Variants in PAX8 observed in about 807,000 individuals in gnomAD.
The protein encoded by PAX8 is paired box 8.
In PAX8, 15 loss-of-function variants were observed where a neutral mutation model predicts 52.4. The ratio of observed to expected loss-of-function variants is 0.29; its 90% CI spans 0.19 to 0.44. The LOEUF (loss-of-function observed/expected upper bound fraction) is 0.44. Ranked by LOEUF, PAX8 falls within the 20% of genes least tolerant of loss-of-function variation. The probability of loss-of-function intolerance (pLI) is 1.00; values close to 1 mark genes in which losing one functional copy is unlikely to be tolerated. For synonymous variants in PAX8, 284 were observed against 249.7 expected, an observed-to-expected ratio of 1.14 and a Z score of -1.29; for missense variants, 554 against 602.5, an observed-to-expected ratio of 0.92 and a Z score of 0.84.
chr2:113,217,737 C>T lies in PAX8; in HGVS notation c.*796G>A. Reference sequence around the variant, plus strand: ...TTCTGCCCTGGGTGAAGCCGCACACCACACCTCACCTCCCAGGGGCCCAGG... The same window carrying T: ...TTCTGCCCTGGGTGAAGCCGCACACTACACCTCACCTCCCAGGGGCCCAGG... On this transcript the variant is annotated 3_prime_UTR_variant, in exon 12 of 12. Transcript: ENST00000429538. The T allele has an allele frequency of 4.3e-6, 1 of 232,704 alleles. No individual in the cohort carries two copies. Among genetic ancestry groups the T allele is most frequent in the Non-Finnish European group, 8.5e-6 (1 of 117,712 alleles). The allele number at this position is 232,704 out of a possible 1,614,324, so 14.4% of individuals were successfully genotyped here. A position where few individuals can be genotyped will look rare whatever the true frequency, so the allele number is the denominator to read the frequency against.
rs1387635818 is a variant in PAX8, at chr2:113,246,916, T to C, written c.29A>G (p.His10Arg). ...CCCTCCCAGCTGGTTCAGCCCTCCATGGCCTAAGGAGACAATATTCCCAGG... is the reference window on the plus strand; with the variant it reads ...CCCTCCCAGCTGGTTCAGCCCTCCACGGCCTAAGGAGACAATATTCCCAGG... Reference protein sequence around the residue: MPHNSIRSGHGGLNQLGGAF... With the variant: MPHNSIRSGRGGLNQLGGAF... The change falls in exon 3 of 12, where the codon CAT (histidine) becomes CGT (arginine). Residue 10 changes from histidine (H) to arginine (R), a missense_variant. Physicochemically the swap from His to Arg is conservative, Grantham distance 29. Coordinates refer to ENST00000429538, the MANE Select transcript of PAX8 (RefSeq NM_003466.4). 1 of 1,613,158 alleles carries C rather than the reference T, an allele frequency of 6.2e-7. No individual in the cohort carries two copies. Among genetic ancestry groups the C allele is most frequent in the Non-Finnish European group, 8.5e-7 (1 of 1,179,530 alleles).
At chr2:113,247,787 G>A (rs1286598464) in intron 2 of PAX8, among the ~76,000 whole-genome samples, 1 of 152,234 alleles carries the variant, frequency 6.6e-6, no homozygotes, top group Non-Finnish European at 1.5e-5. Flanking sequence ...ACAGGTCCCT[G>A]ATGATGCCAA....
At chr2:113,259,779 A>G (rs1435965113) in intron 2 of PAX8, among the ~76,000 whole-genome samples, 3 of 152,244 alleles carry the variant, frequency 2.0e-5, no homozygotes. Flanking sequence ...CAGGTTTACT[A>G]GAGGTCATTC....
chr2:113,236,700 G>A lies in PAX8; in HGVS notation c.799C>T (p.Leu267Phe), dbSNP rs1573442458. Residue 267 changes from leucine to phenylalanine, a missense_variant, in exon 8 of 12, where the codon CTC becomes TTC. By Grantham distance (22) the Leu-to-Phe change is conservative (BLOSUM62 0). This residue lies in a region of PAX8 where 445 missense variants were observed against 409.9 expected (regional missense o/e 1.09). Transcript: ENST00000429538. ...TTCCCGTCGTCCAGGGTGCTGTTGA[G>A]CAAGGGCAGCGGGTAGAGGCCCTGG... ...GEQGLYPLPL[L>F]NSTLDDGKAT... The A allele has an allele frequency of 6.3e-7, 1 of 1,577,840 alleles. No individual in the cohort carries two copies. Among genetic ancestry groups the A allele is most frequent in the Non-Finnish European group, 8.6e-7 (1 of 1,162,340 alleles).
At chr2:113,278,346 A>T (rs1867763) in intron 2 of PAX8, 24 bp downstream of exon 2, 2 of 1,557,474 alleles carry the variant, frequency 1.3e-6, no homozygotes, top group South Asian at 2.2e-5. Flanking sequence ...GGGCTCGGGG[A>T]TCCTGACCAC....
intron 1 of PAX8, 150 bp from the exon 2 acceptor site, chr2:113,278,619 C>T: frequency 1.3e-6 from 1 of 751,962 alleles, no homozygotes; most frequent in Non-Finnish European, 2.1e-6. Context: ...TCAGCCTAGC[C>T]TAGCTAACAG....
chr2:113,261,527 G>T (rs945095832), intron 2 of PAX8, among the ~76,000 whole-genome samples: 17 of 152,248 alleles, frequency 1.1e-4, no homozygotes, highest in African/African-American at 4.1e-4. Flanking sequence ...AAAGTGGGCT[G>T]CCACGGCTTA....
chr2:113,232,712 C>T (rs1271927177), intron 9 of PAX8, among the ~76,000 whole-genome samples: 1 of 152,158 alleles, frequency 6.6e-6, no homozygotes, highest in Non-Finnish European at 1.5e-5. Context: ...AGGGAGGGGA[C>T]AAAGTGTAGG....
intron 7 of PAX8, chr2:113,237,786 C>A: frequency 6.6e-6 from 1 of 152,366 alleles, no homozygotes; most frequent in Non-Finnish European, 1.5e-5. Context: ...TCGTCACATA[C>A]CTGCTACGTG....
At chr2:113,252,521 A>C (rs761838769) in intron 2 of PAX8, among the ~76,000 whole-genome samples, 8 of 152,338 alleles carry the variant, frequency 5.3e-5, no homozygotes, top group African/African-American at 1.9e-4. Flanking sequence ...GCCAGCACAC[A>C]TGAGGTTATG....
At chr2:113,253,940 G>A (rs1212443683) in intron 2 of PAX8, among the ~76,000 whole-genome samples, 1 of 152,138 alleles carries the variant, frequency 6.6e-6, no homozygotes, top group Non-Finnish European at 1.5e-5. Flanking sequence ...AACTATATAT[G>A]TATGAATCAT....
At chr2:113,219,527 G>A (rs531599981) in intron 11 of PAX8, among the ~76,000 whole-genome samples, 17 of 152,196 alleles carry the variant, frequency 1.1e-4, no homozygotes, top group Non-Finnish European at 2.4e-4. Flanking sequence ...TCTGGACCTC[G>A]ACCCTGAATA....
chr2:113,239,224 G>A (rs1253115117), intron 7 of PAX8: 1 of 152,052 alleles, frequency 6.6e-6, no homozygotes, highest in Non-Finnish European at 1.5e-5. Context: ...CACGCCACCA[G>A]GCCTGGCTAA....
intron 10 of PAX8, chr2:113,226,347 G>A (rs1449012420): frequency 8.1e-6 from 8 of 985,442 alleles, no homozygotes; most frequent in Non-Finnish European, 9.6e-6. Flanking sequence ...TTTGACCAGT[G>A]ACAATGGCTC....
At chr2:113,224,474 G>C (rs1362944164) in intron 10 of PAX8, among the ~76,000 whole-genome samples, 1 of 150,672 alleles carries the variant, frequency 6.6e-6, no homozygotes, top group Admixed American at 6.7e-5. Flanking sequence ...TTGAACCCGG[G>C]AGGCAGAGGT....
chr2:113,247,042 G>A (rs1691383436), intron 2 of PAX8, 123 bp from the exon 3 acceptor site: 1 of 957,250 alleles, frequency 1.0e-6, no homozygotes, highest in Non-Finnish European at 1.6e-6. Flanking sequence ...AAATCCCACG[G>A]CCAGGCCCTG....
chr2:113,246,636 G>A (rs1196719230), intron 3 of PAX8, 118 bp downstream of exon 3: 3 of 1,175,176 alleles, frequency 2.6e-6, no homozygotes, highest in Non-Finnish European at 3.7e-6. Flanking sequence ...CAGGACCAAA[G>A]CTGGACATTG....
intron 2 of PAX8, among the ~76,000 whole-genome samples, chr2:113,254,002 GT>G (rs1691996830): frequency 6.6e-6 from 1 of 152,098 alleles, no homozygotes; most frequent in South Asian, 2.1e-4. Context: ...GACTTCTTTC[GT>G]TTTGATCATT....
At chr2:113,240,131 G>T (rs1690694319) in intron 7 of PAX8, 1 of 152,320 alleles carries the variant, frequency 6.6e-6, no homozygotes, top group South Asian at 2.1e-4. Context: ...ACTGAGTTTT[G>T]CAGGCTTACT....
Sources: allele counts gnomAD v4.1 joint callset (sites outside exome capture counted in the v4.1 genomes callset), GRCh38; gene constraint gnomAD v4.1.1; regional missense constraint gnomAD v4.1.1; transcripts MANE v1.5; gene names NCBI Gene and HGNC (gene_info 2026-07-23, HGNC 2026-07-21).